LRRC4C: variants seen among roughly 807,000 people sequenced by gnomAD.
The protein encoded by LRRC4C is leucine rich repeat containing 4C.
Under a neutral mutation model 33.6 loss-of-function variants are expected in LRRC4C, and 5 were observed. The observed-to-expected ratio is 0.15, with a 90% CI of 0.08 to 0.31. The LOEUF is 0.31. Ranked by LOEUF, LRRC4C falls within the 10% of genes least tolerant of loss-of-function variation. LRRC4C has a pLI of 1.00. For missense variants in LRRC4C, 560 were observed against 796.7 expected (o/e 0.70, Z 3.58); for synonymous variants, 329 against 302.0 (o/e 1.09, Z -0.93).
chr11:41,326,921 T>A (rs538299143), intron 1 of LRRC4C, among the ~76,000 whole-genome samples: 3 of 152,346 alleles, frequency 2.0e-5, no homozygotes, highest in South Asian at 2.1e-4. Context: ...TTATATATCA[T>A]GGCATTCCTG....
intron 3 of LRRC4C, among the ~76,000 whole-genome samples, chr11:40,537,139 G>T (rs1453770769): frequency 2.0e-5 from 3 of 152,126 alleles, no homozygotes; most frequent in Admixed American, 6.6e-5. Flanking sequence ...ACAAAAAATG[G>T]CCACATTTTA....
intron 3 of LRRC4C, among the ~76,000 whole-genome samples, chr11:40,381,572 C>T (rs1325681671): frequency 1.3e-5 from 2 of 152,086 alleles, no homozygotes; most frequent in African/African-American, 4.8e-5. Flanking sequence ...AAGTAAGCAA[C>T]TGTCAGTCTT....
At chr11:40,618,541 C>T (rs564057586) in intron 3 of LRRC4C, among the ~76,000 whole-genome samples, 35 of 151,788 alleles carry the variant, frequency 2.3e-4, no homozygotes, top group African/African-American at 7.2e-4. Context: ...ACTATGCAAT[C>T]GTGCAATACT....
intron 4 of LRRC4C, among the ~76,000 whole-genome samples, chr11:40,276,531 T>C (rs1173938294): frequency 2.6e-5 from 4 of 152,096 alleles, no homozygotes; most frequent in Non-Finnish European, 5.9e-5. Context: ...ATGCCCTGAA[T>C]CTATAGTGTA....
chr11:41,281,501 C>T (rs142794903), intron 1 of LRRC4C, among the ~76,000 whole-genome samples: 44 of 152,130 alleles, frequency 2.9e-4, no homozygotes, highest in Middle Eastern at 3.4e-3. Flanking sequence ...TGTCACTGGA[C>T]GAGAAAAAAG....
chr11:40,157,931 A>C (rs1858839824), intron 5 of LRRC4C, among the ~76,000 whole-genome samples: 1 of 152,180 alleles, frequency 6.6e-6, no homozygotes, highest in African/African-American at 2.4e-5. Context: ...CCAGAGGAAA[A>C]GAAGTCATTA....
intron 3 of LRRC4C, among the ~76,000 whole-genome samples, chr11:40,362,929 G>T (rs1484633031): frequency 6.6e-6 from 1 of 152,142 alleles, no homozygotes; most frequent in Non-Finnish European, 1.5e-5. Flanking sequence ...TGCTGTCAAG[G>T]TTGTAAAGAA....
intron 3 of LRRC4C, among the ~76,000 whole-genome samples, chr11:40,521,650 C>A (rs1312767914): frequency 1.3e-5 from 2 of 152,014 alleles, no homozygotes; most frequent in East Asian, 3.9e-4. Flanking sequence ...GTGGGTGGAT[C>A]ATGAGGTCAA....
chr11:40,561,031 AATGTAGTTT>A (rs1485811709), intron 3 of LRRC4C, among the ~76,000 whole-genome samples: 1 of 152,212 alleles, frequency 6.6e-6, no homozygotes, highest in Non-Finnish European at 1.5e-5. Context: ...GTAACACATT[AATGTAGTTT>A]GACAGTTTTA....
chr11:40,549,905 A>C (rs1031060301), intron 3 of LRRC4C, among the ~76,000 whole-genome samples: 1 of 152,170 alleles, frequency 6.6e-6, no homozygotes, highest in African/African-American at 2.4e-5. Flanking sequence ...AGCAAATCAT[A>C]TCAGAGCATA....
At chr11:40,993,094 G>A (rs1360908605) in intron 1 of LRRC4C, among the ~76,000 whole-genome samples, 1 of 152,082 alleles carries the variant, frequency 6.6e-6, no homozygotes, top group Non-Finnish European at 1.5e-5. Flanking sequence ...AGTTGACTAA[G>A]TATTTATGAA....
At chr11:40,800,596 T>A (rs912492969) in intron 2 of LRRC4C, among the ~76,000 whole-genome samples, 3 of 152,186 alleles carry the variant, frequency 2.0e-5, no homozygotes, top group Admixed American at 6.5e-5. Flanking sequence ...TTAGGAATAA[T>A]TAACTCTGTA....
intron 3 of LRRC4C, among the ~76,000 whole-genome samples, chr11:40,453,891 A>G (rs1366876586): frequency 1.3e-5 from 2 of 152,176 alleles, no homozygotes; most frequent in African/African-American, 4.8e-5. Context: ...GCATAACCCT[A>G]TGAAATACGA....
In LRRC4C at chr11:40,766,806, A is replaced by C. The variant is rs1379752102; in HGVS notation, c.-406-118528T>G. ...TACACAAAAAATAAAACAAGCAAGA[A>C]AGTAACACATATGACCAGAGAAAAT... On this transcript the variant is annotated intron_variant, in intron 2 of 6. Transcript: ENST00000528697. Among the ~76,000 whole-genome samples the C allele has an allele frequency of 2.6e-5, 4 of 152,118 alleles. No homozygotes were observed. In the South Asian group the frequency reaches 8.3e-4, roughly 32 times the overall value.
chr11:40,125,532 C>T (rs1340877353), intron 6 of LRRC4C, among the ~76,000 whole-genome samples: 3 of 150,636 alleles, frequency 2.0e-5, no homozygotes, highest in African/African-American at 7.3e-5. Flanking sequence ...CCTATCCTCA[C>T]ACGTTTATGT....
At chr11:40,271,795 C>T (rs758151370) in intron 4 of LRRC4C, among the ~76,000 whole-genome samples, 2 of 152,224 alleles carry the variant, frequency 1.3e-5, no homozygotes, top group Non-Finnish European at 2.9e-5. Flanking sequence ...TCAATGGATT[C>T]ATTTCATATC....
At chr11:40,799,362 A>G (rs1225921583) in intron 2 of LRRC4C, among the ~76,000 whole-genome samples, 3 of 152,230 alleles carry the variant, frequency 2.0e-5, no homozygotes, top group Admixed American at 2.0e-4. Flanking sequence ...AAAAAAATGA[A>G]ACAAAAAATA....
At chr11:41,455,403 A>C (rs1160015076) in intron 1 of LRRC4C, among the ~76,000 whole-genome samples, 3 of 152,146 alleles carry the variant, frequency 2.0e-5, no homozygotes, top group African/African-American at 7.2e-5. Flanking sequence ...AACTAAAATT[A>C]TGCCTCATAT....
At chr11:41,004,070 A>T (rs1001346061) in intron 1 of LRRC4C, among the ~76,000 whole-genome samples, 1 of 152,168 alleles carries the variant, frequency 6.6e-6, no homozygotes, top group Non-Finnish European at 1.5e-5. Flanking sequence ...CTATGGTTAC[A>T]AAGAGGCATG....
Sources: allele counts gnomAD v4.1 joint callset (sites outside exome capture counted in the v4.1 genomes callset), GRCh38; gene constraint gnomAD v4.1.1; transcripts MANE v1.5; gene names NCBI Gene and HGNC (gene_info 2026-07-23, HGNC 2026-07-21).